Variants in AGBL4 observed in about 807,000 individuals in gnomAD.
AGBL4 encodes cytosolic carboxypeptidase 6.
AGBL4 carries 58 observed loss-of-function variants against 66.4 expected under a neutral mutation model. That is an observed-to-expected ratio of 0.87 (90% CI 0.71 to 1.09). AGBL4 has a LOEUF of 1.09. Among genes scored for constraint, AGBL4 ranks in the 50% least tolerant of loss-of-function variants. The pLI is 0.00. For missense variants in AGBL4, 579 were observed against 631.0 expected, an observed-to-expected ratio of 0.92 and a Z score of 0.88; for synonymous variants, 234 against 222.9, an observed-to-expected ratio of 1.05 and a Z score of -0.44.
At position 48,779,704 on chromosome 1, in the gene AGBL4, CT is replaced by C. The variant is rs200375125; in HGVS notation, c.634+87486del. ...TTTTTTCTTGAAAGTCTGTTCCTCT[CT>C]TTTTTTTTTTTTTTTTTTTTTTCTT... On this transcript the variant is annotated intron_variant, in intron 6 of 13. Transcript: ENST00000371839. Among the ~76,000 whole-genome samples, 97 of 137,160 alleles carry C rather than the reference CT, an allele frequency of 7.1e-4. No homozygotes were observed. The South Asian group carries it at 0.016, about 23-fold the overall frequency. 90.0% of individuals were successfully genotyped at this position (137,160 alleles called of 152,430 possible).
At chr1:49,934,133 T>G (rs1201852552) in intron 1 of AGBL4, among the ~76,000 whole-genome samples, 1 of 152,138 alleles carries the variant, frequency 6.6e-6, no homozygotes, top group Non-Finnish European at 1.5e-5. Context: ...GATAGCAATG[T>G]GTACATATGA....
intron 4 of AGBL4, among the ~76,000 whole-genome samples, chr1:49,074,609 A>G (rs1463958896): frequency 2.0e-5 from 3 of 152,182 alleles, no homozygotes; most frequent in African/African-American, 7.2e-5. Flanking sequence ...CTTGGGACAT[A>G]ATAATTATGA....
chr1:49,165,561 G>T (rs946384381), intron 4 of AGBL4, among the ~76,000 whole-genome samples: 3 of 151,678 alleles, frequency 2.0e-5, no homozygotes, highest in African/African-American at 7.3e-5. Flanking sequence ...AATTGGAAGG[G>T]AATTTAATAA....
chr1:49,285,813 A>C (rs996131865), intron 3 of AGBL4, among the ~76,000 whole-genome samples: 1 of 152,100 alleles, frequency 6.6e-6, no homozygotes, highest in African/African-American at 2.4e-5. Context: ...CTCCCTCTGA[A>C]ACTATTCCAA....
intron 3 of AGBL4, among the ~76,000 whole-genome samples, chr1:49,469,487 TA>T (rs1285825052): frequency 6.6e-6 from 1 of 151,822 alleles, no homozygotes; most frequent in Non-Finnish European, 1.5e-5. Context: ...GTTAGTGCAT[TA>T]TCAAATTATT....
chr1:49,329,420 C>G (rs1645287336), intron 3 of AGBL4, among the ~76,000 whole-genome samples: 1 of 152,126 alleles, frequency 6.6e-6, no homozygotes, highest in African/African-American at 2.4e-5. Flanking sequence ...AATCCCAGCA[C>G]TTTGGGAGGC....
chr1:48,535,012 T>G (rs1414794928), intron 12 of AGBL4, 96 bp from the exon 13 acceptor site: 1 of 1,141,180 alleles, frequency 8.8e-7, no homozygotes, highest in East Asian at 2.6e-5. Context: ...AAGGATGTTG[T>G]TTTTAACACC....
At chr1:48,795,901 G>A (rs1437189960) in intron 6 of AGBL4, among the ~76,000 whole-genome samples, 16 of 152,150 alleles carry the variant, frequency 1.1e-4, no homozygotes, top group African/African-American at 3.1e-4. Flanking sequence ...TGATCCACCC[G>A]CCTCAGCCTC....
chr1:49,627,135 C>A (rs1645479359), intron 3 of AGBL4, among the ~76,000 whole-genome samples: 2 of 151,992 alleles, frequency 1.3e-5, no homozygotes, highest in East Asian at 3.9e-4. Flanking sequence ...TTGCTCATGG[C>A]CACTTCTGAA....
At chr1:49,362,626 C>T (rs1203156461) in intron 3 of AGBL4, among the ~76,000 whole-genome samples, 1 of 152,060 alleles carries the variant, frequency 6.6e-6, no homozygotes, top group East Asian at 1.9e-4. Flanking sequence ...TAGGACCCAC[C>T]TCACTTGACT....
chr1:49,477,463 G>C (rs1294315319), intron 3 of AGBL4, among the ~76,000 whole-genome samples: 1 of 152,046 alleles, frequency 6.6e-6, no homozygotes. Context: ...TCTTACCCAA[G>C]ACCACCAAGG....
At chr1:49,559,120 T>A (rs925469697) in intron 3 of AGBL4, among the ~76,000 whole-genome samples, 4 of 152,106 alleles carry the variant, frequency 2.6e-5, no homozygotes, top group Non-Finnish European at 4.4e-5. Context: ...TTGGGTGAGA[T>A]CCAGTGCTGT....
intron 2 of AGBL4, chr1:49,846,268 T>C: frequency 6.8e-7 from 1 of 1,473,816 alleles, no homozygotes; most frequent in South Asian, 1.1e-5. Flanking sequence ...GAAAGTCCTT[T>C]AGGCAGAGCA....
chr1:49,775,772 A>G (rs1644180159), intron 2 of AGBL4, among the ~76,000 whole-genome samples: 1 of 152,120 alleles, frequency 6.6e-6, no homozygotes, highest in African/African-American at 2.4e-5. Flanking sequence ...GTGTGAACAA[A>G]TGAATAAAGA....
In AGBL4 at chr1:48,846,365, GA is replaced by G. The variant is rs373688961; in HGVS notation, c.634+20825del. ...AAGAAAAGAAAGGAGAAAGAAAGAA[GA>G]AAGAAAGAAAGAAAGAAAGAAAGAA... On this transcript the variant is annotated intron_variant, in intron 6 of 13. Transcript: ENST00000371839. 6.4e-3 allele frequency among the ~76,000 whole-genome samples: 396 copies of G among 61,648 alleles called. 3 individuals carry two copies. Among genetic ancestry groups the G allele is most frequent in the African/African-American group, 0.036 (358 of 9,962 alleles). The allele number at this position is 61,648 out of a possible 152,430, so 40.4% of individuals were successfully genotyped here.
intron 6 of AGBL4, among the ~76,000 whole-genome samples, chr1:48,697,957 A>G (rs1352717020): frequency 6.6e-6 from 1 of 152,226 alleles, no homozygotes; most frequent in Non-Finnish European, 1.5e-5. Context: ...TCACAACTGG[A>G]TCCCTCAGCC....
intron 6 of AGBL4, among the ~76,000 whole-genome samples, chr1:48,775,305 C>T (rs1344369338): frequency 6.6e-6 from 1 of 152,070 alleles, no homozygotes; most frequent in South Asian, 2.1e-4. Context: ...TTCTGCAAAC[C>T]GATTTTTCAG....
intron 2 of AGBL4, among the ~76,000 whole-genome samples, chr1:49,712,244 T>C (rs1647728279): frequency 6.6e-6 from 1 of 151,900 alleles, no homozygotes; most frequent in South Asian, 2.1e-4. Flanking sequence ...AGATCTCCTT[T>C]TTAAAGGCTG....
chr1:48,644,142 C>T (rs1645799635), intron 8 of AGBL4, among the ~76,000 whole-genome samples: 1 of 152,100 alleles, frequency 6.6e-6, no homozygotes, highest in African/African-American at 2.4e-5. Flanking sequence ...ACATATAAAA[C>T]ACTTAGAATA....
Sources: gnomAD v4.1 joint callset for allele counts (sites outside exome capture counted in the v4.1 genomes callset) on GRCh38, gnomAD v4.1.1 for gene constraint, MANE v1.5 for transcripts, NCBI Gene and HGNC (gene_info 2026-07-23, HGNC 2026-07-21) for gene names.